EFCAB5: variants seen among roughly 807,000 people sequenced by gnomAD.
EFCAB5 encodes the protein EF-hand calcium binding domain 5, also known as EF-hand calcium-binding domain-containing protein 5.
EFCAB5 carries 131 observed loss-of-function variants against 167.9 expected under a neutral mutation model. The ratio of observed to expected loss-of-function variants is 0.78; its 90% CI spans 0.68 to 0.90. EFCAB5 has a LOEUF of 0.90. EFCAB5 is among the 40% of genes least tolerant of loss of function. EFCAB5 has a pLI of 0.00. For missense variants in EFCAB5, 1,663 were observed against 1,745.2 expected, an observed-to-expected ratio of 0.95 and a Z score of 0.84; for synonymous variants, 574 against 602.8, an observed-to-expected ratio of 0.95 and a Z score of 0.70.
chr17:29,977,967 T>C (rs1436120384), intron 4 of EFCAB5, among the ~76,000 whole-genome samples: 1 of 152,212 alleles, frequency 6.6e-6, no homozygotes, highest in Non-Finnish European at 1.5e-5. Flanking sequence ...TCAAAGTACT[T>C]TTTGTATTTT....
At chr17:30,039,322 C>A (rs2069708414) in intron 8 of EFCAB5, among the ~76,000 whole-genome samples, 1 of 152,296 alleles carries the variant, frequency 6.6e-6, no homozygotes, top group Admixed American at 6.5e-5. Flanking sequence ...GGATCAAGCC[C>A]TACCAAATTA....
At position 30,107,982 on chromosome 17, in the gene EFCAB5, T is replaced by C. The variant is rs373487186; in HGVS notation, c.4470T>C (p.Tyr1490=). 6 of 1,607,484 alleles carry C rather than the reference T, an allele frequency of 3.7e-6. No homozygotes were observed. Among genetic ancestry groups the C allele is most frequent in the Non-Finnish European group, 5.1e-6 (6 of 1,178,304 alleles). The part of the protein sequence containing the change: ...TPPLPSKTDN[Y]MYAKMPGEGL... The stretch of plus-strand genomic sequence containing the variant: ...CGTTGCCCTCCAAGACTGACAATTA[T>C]ATGTATGCAAAAATGCCAGGGGAAG... Residue 1490 remains tyrosine (Y), a synonymous_variant, in exon 23 of 23, where the codon TAT becomes TAC. Transcript: ENST00000394835.
intron 14 of EFCAB5, among the ~76,000 whole-genome samples, chr17:30,071,397 A>G (rs923206884): frequency 6.6e-6 from 1 of 151,098 alleles, no homozygotes; most frequent in Non-Finnish European, 1.5e-5. Context: ...AGGTATTTGA[A>G]AAAATGCTTA....
chr17:30,020,474 C>T (rs555279629), intron 7 of EFCAB5, among the ~76,000 whole-genome samples: 4 of 151,512 alleles, frequency 2.6e-5, no homozygotes, highest in African/African-American at 7.3e-5. Flanking sequence ...AAGCAATTCT[C>T]CTGCCTCAGC....
chr17:30,059,786 G>A, intron 14 of EFCAB5, 85 bp downstream of exon 14: 5 of 1,161,556 alleles, frequency 4.3e-6, no homozygotes, highest in Non-Finnish European at 5.7e-6. Context: ...TTAAAATACT[G>A]GTTATGCTAA....
At chr17:29,977,607 T>C (rs2068087078) in intron 4 of EFCAB5, among the ~76,000 whole-genome samples, 1 of 152,168 alleles carries the variant, frequency 6.6e-6, no homozygotes, top group South Asian at 2.1e-4. Context: ...GTGTTGCAGT[T>C]TGAGATATCT....
At chr17:30,087,796 T>A (rs2071117945) in intron 19 of EFCAB5, among the ~76,000 whole-genome samples, 1 of 152,238 alleles carries the variant, frequency 6.6e-6, no homozygotes, top group African/African-American at 2.4e-5. Context: ...TATATTCCTT[T>A]GGGTATATAC....
chr17:30,040,279 C>T (rs887685809), intron 8 of EFCAB5, among the ~76,000 whole-genome samples: 11 of 152,216 alleles, frequency 7.2e-5, no homozygotes, highest in African/African-American at 2.4e-4. Flanking sequence ...CCAATTTTAC[C>T]TCGTTTCTCC....
chr17:30,071,587 T>C (rs1330317443), intron 14 of EFCAB5, among the ~76,000 whole-genome samples: 2 of 152,060 alleles, frequency 1.3e-5, no homozygotes, highest in African/African-American at 4.8e-5. Context: ...GAAAACAGTA[T>C]AGAGGTCCCT....
At chr17:29,988,022 C>A (rs1011514728) in intron 4 of EFCAB5, among the ~76,000 whole-genome samples, 2 of 152,196 alleles carry the variant, frequency 1.3e-5, no homozygotes, top group African/African-American at 4.8e-5. Context: ...AGGAATGCAC[C>A]ATTTGGCAAG....
At chr17:30,034,490 G>A in intron 8 of EFCAB5, 105 bp downstream of exon 8, 1 of 1,403,608 alleles carries the variant, frequency 7.1e-7, no homozygotes, top group South Asian at 1.4e-5. Flanking sequence ...CTTGAGCCCA[G>A]GAGTTTGAGA....
At chr17:29,955,850 G>A (rs905942217) in intron 3 of EFCAB5, among the ~76,000 whole-genome samples, 3 of 151,638 alleles carry the variant, frequency 2.0e-5, no homozygotes, top group African/African-American at 4.8e-5. Context: ...AAAACAGCTC[G>A]AGTAGCCAAG....
At chr17:29,941,961 C>G in intron 1 of EFCAB5, 123 bp downstream of exon 1, 19 of 1,119,078 alleles carry the variant, frequency 1.7e-5, no homozygotes, top group Non-Finnish European at 2.4e-5. Context: ...TTGAAGTATT[C>G]TGCATCAGGT....
At chr17:30,022,458 G>A (rs12936302) in intron 7 of EFCAB5, among the ~76,000 whole-genome samples, 67,038 of 151,600 alleles carry the variant, frequency 0.44, 15,460 homozygotes, top group Non-Finnish European at 0.51. Context: ...TAATTACAAA[G>A]CAATGAACAG....
At chr17:30,071,706 G>T (rs2151821156) in intron 14 of EFCAB5, among the ~76,000 whole-genome samples, 1 of 152,212 alleles carries the variant, frequency 6.6e-6, no homozygotes, top group African/African-American at 2.4e-5. Flanking sequence ...CATGTTTATT[G>T]CTGCATTACT....
At chr17:29,956,499 C>T (rs1040544801) in intron 3 of EFCAB5, among the ~76,000 whole-genome samples, 1 of 152,232 alleles carries the variant, frequency 6.6e-6, no homozygotes, top group Admixed American at 6.5e-5. Context: ...CTGTGGTTGA[C>T]AGAAGTTTGG....
rs970900040 is a variant in EFCAB5 at position 30,006,779 on chromosome 17, A to AG, written c.1044+6809dup. On this transcript the variant is annotated intron_variant, in intron 7 of 22. Coordinates refer to ENST00000394835, the MANE Select transcript of EFCAB5 (RefSeq NM_198529.4). ...ATTCTCCCACATCAGCCTCCCAAGT[A>AG]GGGGGGATGCCACTTTGCCTGGCAC... Among the ~76,000 whole-genome samples the AG allele has an allele frequency of 8.5e-4, 130 of 152,072 alleles. 11 individuals carry two copies. Among genetic ancestry groups the AG allele is most frequent in the Non-Finnish European group, 1.8e-4 (12 of 67,998 alleles).
chr17:30,073,575 A>G lies in EFCAB5; in HGVS notation c.2738-4640A>G, dbSNP rs1216250526. 6.9e-5 allele frequency: 43 copies of G among 625,502 alleles called. No individual in the cohort carries two copies. The East Asian group carries it at 1.2e-3, about 17-fold the overall frequency. The allele number at this position is 625,502 out of a possible 1,614,324, so 38.7% of individuals were successfully genotyped here. A position where few individuals can be genotyped will look rare whatever the true frequency, so the allele number is the denominator to read the frequency against. The stretch of plus-strand genomic sequence containing the variant: ...TAGAAATCAATACATTTCTCCCTAA[A>G]TACCTCAGCATGCATATCATTCATT... On this transcript the variant is annotated intron_variant, in intron 14 of 22. Transcript: ENST00000394835.
Position 30,107,975 on chromosome 17 carries a change from A to T in EFCAB5, c.4463A>T (p.Asp1488Val). 6.2e-7 allele frequency: 1 copy of T among 1,609,202 alleles called. No homozygotes were observed. The highest frequency in any genetic ancestry group is 8.5e-7 in the Non-Finnish European group (1 of 1,178,742). ...GITPPLPSKT[D>V]NYMYAKMPGE... ...ACACCTCCGTTGCCCTCCAAGACTG[A>T]CAATTATATGTATGCAAAAATGCCA... Residue 1488 changes from aspartate to valine, a missense_variant, in exon 23 of 23, where the codon GAC becomes GTC. Transcript: ENST00000394835.
Sources: allele counts gnomAD v4.1 joint callset (sites outside exome capture counted in the v4.1 genomes callset), GRCh38; gene constraint gnomAD v4.1.1; transcripts MANE v1.5; gene names NCBI Gene and HGNC (gene_info 2026-07-23, HGNC 2026-07-21).